The following ACTN3 variants were observed in gnomAD, a reference collection of about 807,000 sequenced individuals.
The protein encoded by ACTN3 is actinin alpha 3, also known as alpha-actinin-3.
ACTN3 carries 91 observed loss-of-function variants against 119.6 expected under a neutral mutation model. The ratio of observed to expected loss-of-function variants is 0.76; its 90% CI spans 0.64 to 0.91. The LOEUF is 0.91. Among genes scored for constraint, ACTN3 ranks in the 40% least tolerant of loss-of-function variants. ACTN3 has a pLI of 0.00. For missense variants in ACTN3, 1,221 were observed against 1,215.1 expected, an observed-to-expected ratio of 1.00 and a Z score of -0.07; for synonymous variants, 456 against 478.8, an observed-to-expected ratio of 0.95 and a Z score of 0.62.
At chr11:66,562,234 T>G in intron 18 of ACTN3, 23 bp from the exon 19 acceptor site, 1 of 1,613,822 alleles carries the variant, frequency 6.2e-7, no homozygotes, top group South Asian at 1.1e-5. Flanking sequence ...AGACCAAGCC[T>G]GATAACCACT....
intron 1 of ACTN3, among the ~76,000 whole-genome samples, chr11:66,549,732 C>A (rs1303249598): frequency 1.5e-3 from 65 of 43,018 alleles, no homozygotes; most frequent in South Asian, 3.7e-3. Context: ...ACTCTGTCTC[C>A]AAAAAAAAAA....
chr11:66,562,095 T>C lies in ACTN3; in HGVS notation c.2249T>C (p.Leu750Pro). 4 of 1,614,040 alleles carry C rather than the reference T, an allele frequency of 2.5e-6. No homozygotes were observed. The highest frequency in any genetic ancestry group is 1.1e-5 in the South Asian group (1 of 91,078). ...ATCAATGAAGTGGAGAACCAGGTAC[T>C]GACCCGAGACGCCAAGGGACTGAGC... is the stretch of plus-strand genomic sequence containing the variant. ...RTINEVENQVLTRDAKGLSQE... is the reference protein window; with the variant it reads ...RTINEVENQVPTRDAKGLSQE... Residue 750 changes from leucine to proline, a missense_variant, in exon 18 of 21, where the codon CTG becomes CCG. Coordinates refer to ENST00000513398, the MANE Select transcript of ACTN3 (RefSeq NM_001104.4).
intron 1 of ACTN3, 52 bp from the exon 2 acceptor site, chr11:66,551,187 C>A: frequency 7.4e-7 from 1 of 1,349,762 alleles, no homozygotes; most frequent in Non-Finnish European, 1.0e-6. Context: ...GGACTGTGCC[C>A]TACATCCCCC....
Position 66,561,284 on chromosome 11 carries a change from C to T in ACTN3, c.1918C>T (p.Gln640Ter). ...ACTGCAGGAGGAGCTGGCACGGCAG[C>T]AGGTAAACGAGAGGCTCCGGCGACA... Reference protein sequence around the residue: ...QTLQEELARQQVNERLRRQFA... With the variant: ...QTLQEELARQ Residue 640 changes from glutamine to a stop codon, truncating the protein, a stop_gained, in exon 16 of 21, where the codon CAG becomes TAG. Transcript: ENST00000513398. LOFTEE classifies it high-confidence loss of function. 6.2e-7 allele frequency: 1 copy of T among 1,606,780 alleles called. No individual in the cohort carries two copies. The highest frequency in any genetic ancestry group is 1.1e-5 in the South Asian group (1 of 89,732).
intron 14 of ACTN3, 125 bp downstream of exon 14, chr11:66,560,436 G>A (rs1857726817): frequency 1.4e-6 from 2 of 1,478,926 alleles, no homozygotes; most frequent in South Asian, 1.4e-5. Flanking sequence ...CGAGTGCTGG[G>A]CTGGAAGACA....
rs1565303874 is a variant in ACTN3 at position 66,551,792 on chromosome 11, C to T, written c.382+145C>T. On this transcript the variant is annotated intron_variant, in intron 3 of 20. Coordinates refer to ENST00000513398, the MANE Select transcript of ACTN3 (RefSeq NM_001104.4). ...AGAGAGCCTGTAAAGAGCCAGTATGCCAGCCAGGCACGGTGGCTCACGCCT... is the reference window on the plus strand; with the variant it reads ...AGAGAGCCTGTAAAGAGCCAGTATGTCAGCCAGGCACGGTGGCTCACGCCT... 6 of 1,228,982 alleles carry T rather than the reference C, an allele frequency of 4.9e-6. No individual in the cohort carries two copies. The Admixed American group carries it at 9.7e-5, about 20-fold the overall frequency. 76.1% of individuals were successfully genotyped at this position (1,228,982 alleles called of 1,614,324 possible). A position where few individuals can be genotyped will look rare whatever the true frequency, so the allele number is the denominator to read the frequency against.
chr11:66,547,382 G>T (rs1857375685), intron 1 of ACTN3, among the ~76,000 whole-genome samples: 2 of 151,654 alleles, frequency 1.3e-5, no homozygotes, highest in Admixed American at 1.3e-4. Context: ...CAAACCCCAG[G>T]AGATCCAAGT....
At position 66,554,134 on chromosome 11, in the gene ACTN3, G is replaced by A. The variant is rs1461554765; in HGVS notation, c.469+3G>A. On this transcript the variant is annotated splice_donor_region_variant and intron_variant, in intron 4 of 20. Coordinates refer to ENST00000513398, the MANE Select transcript of ACTN3 (RefSeq NM_001104.4). ...CATCCAGGACATCTCTGTGGAAGGT[G>A]AGCAATGGGAAAGGAGGTTGGGGCC... is the stretch of plus-strand genomic sequence containing the variant. The A allele has an allele frequency of 1.2e-6, 2 of 1,613,686 alleles. No homozygotes were observed. The highest frequency in any genetic ancestry group is 1.7e-6 in the Non-Finnish European group (2 of 1,179,808).
chr11:66,555,767 C>T (rs1038164314), intron 7 of ACTN3, among the ~76,000 whole-genome samples: 2 of 152,216 alleles, frequency 1.3e-5, no homozygotes, highest in African/African-American at 2.4e-5. Context: ...GCTGTGTGGG[C>T]ACTGCTGGAG....
chr11:66,555,475 C>A, intron 7 of ACTN3, 108 bp downstream of exon 7: 1 of 1,084,210 alleles, frequency 9.2e-7, no homozygotes, highest in Admixed American at 1.9e-5. Flanking sequence ...GCTCCGACCA[C>A]CCCCACCCCA....
At position 66,561,531 on chromosome 11, in the gene ACTN3, A is replaced by G. The variant is rs745576296; in HGVS notation, c.2069A>G (p.Gln690Arg). 5.0e-6 allele frequency: 8 copies of G among 1,610,220 alleles called. No individual in the cohort carries two copies. The East Asian group carries it at 1.6e-4, about 31-fold the overall frequency. The change falls in exon 17 of 21, where the codon CAG becomes CGG. Residue 690 changes from glutamine (Q) to arginine (R), a missense_variant. Coordinates refer to ENST00000513398, the MANE Select transcript of ACTN3 (RefSeq NM_001104.4). ...ATGGCTGGGCTACGGCAGCAGGAGC[A>G]GAACATTATCAACTACAAGACTAAC... ...EQMAGLRQQE[Q>R]NIINYKTNID... is the part of the protein sequence containing the mutation.
chr11:66,551,232 C>A lies in ACTN3; in HGVS notation c.148-7C>A. On this transcript the variant is annotated splice_region_variant and splice_polypyrimidine_tract_variant and intron_variant, in intron 1 of 20. Transcript: ENST00000513398. ...CGTAGGGTTTGAGTGCTGTCCTCTGCCCCTAGACCTTCACTGCCTGGTGCA... is the reference window on the plus strand; with the variant it reads ...CGTAGGGTTTGAGTGCTGTCCTCTGACCCTAGACCTTCACTGCCTGGTGCA... 6.3e-7 allele frequency: 1 copy of A among 1,599,156 alleles called. No individual in the cohort carries two copies. Among genetic ancestry groups the A allele is most frequent in the Non-Finnish European group, 8.5e-7 (1 of 1,171,294 alleles).
intron 11 of ACTN3, among the ~76,000 whole-genome samples, chr11:66,558,682 C>T (rs998201041): frequency 5.9e-5 from 9 of 152,220 alleles, no homozygotes; most frequent in African/African-American, 2.2e-4. Context: ...TTTCTATAAA[C>T]TCAGCCTTCC....
chr11:66,550,581 C>T (rs907216671), intron 1 of ACTN3, among the ~76,000 whole-genome samples: 7 of 152,110 alleles, frequency 4.6e-5, no homozygotes, highest in African/African-American at 1.7e-4. Context: ...ATAATAAGAC[C>T]GAGGCAGGAG....
Position 66,562,260 on chromosome 11 carries a change from C to T in ACTN3, c.2326C>T (p.Gln776Ter), listed in dbSNP as rs1229200641. Residue 776 changes from glutamine to a stop codon, truncating the protein, a stop_gained, in exon 19 of 21, where the codon CAG (glutamine) becomes TAG (stop). Transcript: ENST00000513398. LOFTEE classifies it high-confidence loss of function. ...RASFNHFDRK[Q>*]NGMMEPDDFR... is the part of the protein sequence containing the mutation. ...GATAACCACTCACCCCCTACAGAAG[C>T]AGAATGGGATGATGGAGCCTGATGA... 1.1e-5 allele frequency: 17 copies of T among 1,613,710 alleles called. No individual in the cohort carries two copies. The highest frequency in any genetic ancestry group is 2.2e-5 in the South Asian group (2 of 91,086).
chr11:66,559,150 A>C (rs540977043), intron 11 of ACTN3, 86 bp from the exon 12 acceptor site: 2 of 1,361,986 alleles, frequency 1.5e-6, no homozygotes, highest in African/African-American at 3.0e-5. Flanking sequence ...CCACCTTAGC[A>C]GATGAGGCTT....
At chr11:66,560,884 G>A in intron 15 of ACTN3, 129 bp downstream of exon 15, 1 of 1,049,344 alleles carries the variant, frequency 9.5e-7, no homozygotes, top group Non-Finnish European at 1.4e-6. Context: ...GACTCCACGT[G>A]GGATTGGATA....
upstream of ACTN3, chr11:66,546,861 C>A: frequency 6.6e-7 from 1 of 1,507,430 alleles, no homozygotes. Context: ...CGATCTGGGG[C>A]TGGGCTGGGC....
At chr11:66,558,320 C>A in intron 11 of ACTN3, 146 bp downstream of exon 11, 1 of 1,220,258 alleles carries the variant, frequency 8.2e-7, no homozygotes, top group South Asian at 1.5e-5. Context: ...TAGTCCCACC[C>A]TGACTTGCTG....
Sources: gnomAD v4.1 joint callset for allele counts (sites outside exome capture counted in the v4.1 genomes callset) on GRCh38, gnomAD v4.1.1 for gene constraint, MANE v1.5 for transcripts, NCBI Gene and HGNC (gene_info 2026-07-23, HGNC 2026-07-21) for gene names.